Variants in MACROD2 observed in about 807,000 individuals in gnomAD.
The protein encoded by MACROD2 is mono-ADP ribosylhydrolase 2.
Under a neutral mutation model 70.4 loss-of-function variants are expected in MACROD2, and 36 were observed. That is an observed-to-expected ratio of 0.51 (90% CI 0.39 to 0.68). The LOEUF is 0.68. Among genes scored for constraint, MACROD2 ranks in the 30% least tolerant of loss-of-function variants. The pLI is 0.00. For missense variants in MACROD2, 496 were observed against 538.4 expected (o/e 0.92, Z 0.78); for synonymous variants, 172 against 178.8 (o/e 0.96, Z 0.30).
chr20:14,052,886 A>G (rs189539299), intron 2 of MACROD2, among the ~76,000 whole-genome samples: 1 of 152,192 alleles, frequency 6.6e-6, no homozygotes, highest in African/African-American at 2.4e-5. Flanking sequence ...GAAAACTTAC[A>G]GCAGTTGGAA....
At chr20:14,732,136 G>A (rs1314471777) in intron 5 of MACROD2, among the ~76,000 whole-genome samples, 1 of 152,050 alleles carries the variant, frequency 6.6e-6, no homozygotes, top group Non-Finnish European at 1.5e-5. Context: ...CAACAGAAAG[G>A]GAATATTTAT....
chr20:14,078,095 T>C (rs947096245), intron 2 of MACROD2, among the ~76,000 whole-genome samples: 1 of 151,286 alleles, frequency 6.6e-6, no homozygotes, highest in African/African-American at 2.4e-5. Flanking sequence ...ATAGACGGGG[T>C]TTCTCCATGT....
chr20:15,265,412 C>T (rs1262894776), intron 6 of MACROD2, among the ~76,000 whole-genome samples: 1 of 152,178 alleles, frequency 6.6e-6, no homozygotes, highest in African/African-American at 2.4e-5. Context: ...GTTCTGTGCA[C>T]CTCGAATTCA....
chr20:15,405,430 C>A (rs1353613204), intron 6 of MACROD2, among the ~76,000 whole-genome samples: 1 of 152,118 alleles, frequency 6.6e-6, no homozygotes, highest in East Asian at 1.9e-4. Flanking sequence ...TCCAATGGGC[C>A]CAGCACCGTG....
chr20:15,573,269 T>C (rs1568901578), intron 8 of MACROD2, among the ~76,000 whole-genome samples: 1 of 152,152 alleles, frequency 6.6e-6, no homozygotes, highest in Non-Finnish European at 1.5e-5. Context: ...CAAAACAAAA[T>C]AGTATTTTTC....
chr20:14,008,126 A>G (rs1044918086), intron 2 of MACROD2, among the ~76,000 whole-genome samples: 2 of 152,198 alleles, frequency 1.3e-5, no homozygotes, highest in African/African-American at 4.8e-5. Context: ...GGGCAGGGTA[A>G]TCAGGCAAGA....
intron 8 of MACROD2, among the ~76,000 whole-genome samples, chr20:15,834,510 AC>A (rs1216464112): frequency 1.3e-5 from 2 of 151,888 alleles, no homozygotes; most frequent in Non-Finnish European, 2.9e-5. Context: ...GGTTAGATTC[AC>A]CCCTCTCCCT....
At chr20:15,344,863 T>G (rs1363630165) in intron 6 of MACROD2, among the ~76,000 whole-genome samples, 1 of 152,238 alleles carries the variant, frequency 6.6e-6, no homozygotes, top group Non-Finnish European at 1.5e-5. Context: ...TCCTCTCTGA[T>G]TGCCCCCTTA....
At chr20:14,639,160 G>A (rs150663328) in intron 4 of MACROD2, among the ~76,000 whole-genome samples, 1 of 152,148 alleles carries the variant, frequency 6.6e-6, no homozygotes, top group Non-Finnish European at 1.5e-5. Flanking sequence ...TGGGGTTCCT[G>A]ACTGAGGTAG....
intron 5 of MACROD2, among the ~76,000 whole-genome samples, chr20:14,958,234 G>T (rs2074554151): frequency 6.6e-6 from 1 of 152,290 alleles, no homozygotes; most frequent in East Asian, 1.9e-4. Context: ...GTATTAATCA[G>T]TATTTTTCTA....
chr20:14,298,374 C>A (rs6079385), intron 3 of MACROD2, among the ~76,000 whole-genome samples: 2 of 151,334 alleles, frequency 1.3e-5, no homozygotes, highest in African/African-American at 4.9e-5. Flanking sequence ...TCGAGACCAG[C>A]CTGGCCAACA....
intron 8 of MACROD2, among the ~76,000 whole-genome samples, chr20:15,779,852 C>T (rs891175146): frequency 1.1e-4 from 16 of 152,014 alleles, no homozygotes; most frequent in African/African-American, 3.1e-4. Flanking sequence ...CCACGTGGGG[C>T]GAAAAGACAT....
At chr20:14,872,495 G>T (rs2073500208) in intron 5 of MACROD2, among the ~76,000 whole-genome samples, 1 of 152,070 alleles carries the variant, frequency 6.6e-6, no homozygotes, top group African/African-American at 2.4e-5. Context: ...TACCATTTCA[G>T]TAATCAGAGA....
At chr20:14,611,455 T>G (rs1410692818) in intron 4 of MACROD2, among the ~76,000 whole-genome samples, 1 of 149,282 alleles carries the variant, frequency 6.7e-6, no homozygotes, top group East Asian at 1.9e-4. Flanking sequence ...CCCTGAGGTT[T>G]TTTTTTTTTT....
chr20:14,856,825 A>G (rs1359248756), intron 5 of MACROD2, among the ~76,000 whole-genome samples: 2 of 152,042 alleles, frequency 1.3e-5, no homozygotes, highest in Admixed American at 1.3e-4. Context: ...TGCCGCCACC[A>G]TCATCACCAC....
intron 3 of MACROD2, among the ~76,000 whole-genome samples, chr20:14,099,489 C>T (rs572970291): frequency 1.3e-5 from 2 of 152,166 alleles, no homozygotes; most frequent in South Asian, 4.2e-4. Context: ...TTGATACATA[C>T]CATTGGTTAT....
intron 8 of MACROD2, among the ~76,000 whole-genome samples, chr20:15,515,145 T>C (rs2047550318): frequency 6.6e-6 from 1 of 152,244 alleles, no homozygotes; most frequent in Non-Finnish European, 1.5e-5. Context: ...TGAAATAATT[T>C]ACAAATGGGA....
chr20:14,718,292 CAAAAAAAAA>C (rs11358439), intron 5 of MACROD2, among the ~76,000 whole-genome samples: 3 of 54,646 alleles, frequency 5.5e-5, no homozygotes, highest in African/African-American at 2.4e-4. Context: ...GACTCTGTCT[CAAAAAAAAA>C]AAAAAAAAAA....
intron 4 of MACROD2, among the ~76,000 whole-genome samples, chr20:14,597,624 G>A (rs78266770): frequency 0.01 from 1,586 of 152,138 alleles, 29 homozygotes; most frequent in African/African-American, 0.037. Flanking sequence ...ATGAAATCTG[G>A]TTCATTATTC....
Sources: gnomAD v4.1 joint callset for allele counts (sites outside exome capture counted in the v4.1 genomes callset) on GRCh38, gnomAD v4.1.1 for gene constraint, MANE v1.5 for transcripts, NCBI Gene and HGNC (gene_info 2026-07-23, HGNC 2026-07-21) for gene names.